Variants in NRP2 observed in about 807,000 individuals in gnomAD.
NRP2 encodes the protein neuropilin 2, also known as neuropilin-2.
Under a neutral mutation model 110.4 loss-of-function variants are expected in NRP2, and 52 were observed. The ratio of observed to expected loss-of-function variants is 0.47; its 90% CI spans 0.38 to 0.59. The LOEUF is 0.59. Ranked by LOEUF, NRP2 falls within the 20% of genes least tolerant of loss-of-function variation. The pLI is 0.00. For synonymous variants in NRP2, 508 were observed against 468.9 expected (o/e 1.08, Z -1.08); for missense variants, 1,049 against 1,203.0 (o/e 0.87, Z 1.89).
chr2:205,710,101 C>A (rs1023562332), intron 2 of NRP2, among the ~76,000 whole-genome samples: 1 of 152,166 alleles, frequency 6.6e-6, no homozygotes, highest in Non-Finnish European at 1.5e-5. Context: ...TCTTACATAT[C>A]TTACACCCAT....
chr2:205,787,962 T>C (rs1575683963), intron 15 of NRP2, among the ~76,000 whole-genome samples: 1 of 152,168 alleles, frequency 6.6e-6, no homozygotes, highest in East Asian at 1.9e-4. Flanking sequence ...GGTTTGTGAC[T>C]GGATATGGCG....
At chr2:205,697,051 G>T (rs1268331423) in intron 1 of NRP2, among the ~76,000 whole-genome samples, 2 of 152,154 alleles carry the variant, frequency 1.3e-5, no homozygotes, top group African/African-American at 4.8e-5. Flanking sequence ...GCTCGCTTGT[G>T]GGTCGGCACC....
At chr2:205,738,537 T>C (rs1250877679) in intron 7 of NRP2, among the ~76,000 whole-genome samples, 1 of 152,140 alleles carries the variant, frequency 6.6e-6, no homozygotes, top group African/African-American at 2.4e-5. Context: ...GGAAGTAGGG[T>C]CAGTCACCAC....
intron 2 of NRP2, among the ~76,000 whole-genome samples, chr2:205,705,053 T>C (rs913628264): frequency 1.3e-5 from 2 of 152,150 alleles, no homozygotes; most frequent in African/African-American, 2.4e-5. Flanking sequence ...TCATGAGTCC[T>C]ATAGAAAAAA....
At chr2:205,710,942 G>C (rs1259486292) in intron 2 of NRP2, among the ~76,000 whole-genome samples, 1 of 152,184 alleles carries the variant, frequency 6.6e-6, no homozygotes, top group African/African-American at 2.4e-5. Context: ...TAGTTGATTT[G>C]TTTGCCGCTA....
intron 2 of NRP2, among the ~76,000 whole-genome samples, chr2:205,705,413 G>T (rs957873152): frequency 2.6e-5 from 4 of 152,192 alleles, no homozygotes. Context: ...AAAAGGAAAA[G>T]GAGAAAGAAA....
intron 15 of NRP2, among the ~76,000 whole-genome samples, chr2:205,781,529 G>A (rs1470834349): frequency 4.6e-5 from 7 of 152,214 alleles, no homozygotes; most frequent in Non-Finnish European, 8.8e-5. Flanking sequence ...CACGGCCTCT[G>A]CAGTTGTTCT....
intron 10 of NRP2, among the ~76,000 whole-genome samples, chr2:205,747,142 T>G (rs532967798): frequency 1.3e-5 from 2 of 152,274 alleles, no homozygotes; most frequent in Admixed American, 6.5e-5. Flanking sequence ...AGCCAGTGGC[T>G]TTCACACACT....
chr2:205,726,912 G>A (rs2057139318), intron 6 of NRP2, among the ~76,000 whole-genome samples: 1 of 152,206 alleles, frequency 6.6e-6, no homozygotes, highest in Admixed American at 6.5e-5. Context: ...GGAGTCCACA[G>A]AGGTTCTAAC....
At chr2:205,735,883 G>A (rs955453726) in intron 7 of NRP2, among the ~76,000 whole-genome samples, 1 of 152,164 alleles carries the variant, frequency 6.6e-6, no homozygotes, top group Non-Finnish European at 1.5e-5. Flanking sequence ...TGCACTTGAA[G>A]AAATCTTTAT....
At chr2:205,695,454 C>T (rs1455654694) in intron 1 of NRP2, among the ~76,000 whole-genome samples, 1 of 152,014 alleles carries the variant, frequency 6.6e-6, no homozygotes, top group Non-Finnish European at 1.5e-5. Flanking sequence ...AGAAAAGTTC[C>T]CCTTTCAAGA....
intron 15 of NRP2, among the ~76,000 whole-genome samples, chr2:205,780,008 T>C (rs886069030): frequency 2.0e-5 from 3 of 152,238 alleles, no homozygotes; most frequent in African/African-American, 7.2e-5. Context: ...ACGAAATTTC[T>C]CTTGATGACA....
chr2:205,751,233 A>G (rs1309668944), intron 11 of NRP2, among the ~76,000 whole-genome samples: 3 of 152,146 alleles, frequency 2.0e-5, no homozygotes, highest in African/African-American at 7.2e-5. Context: ...GGAAAAATTA[A>G]GGGTTCTGCT....
chr2:205,689,500 T>C (rs763765780), intron 1 of NRP2, among the ~76,000 whole-genome samples: 1 of 152,240 alleles, frequency 6.6e-6, no homozygotes, highest in Non-Finnish European at 1.5e-5. Flanking sequence ...AAGCACACTA[T>C]AACCATTGTG....
At position 205,792,266 on chromosome 2, in the gene NRP2, A is replaced by T; in HGVS notation, c.2457A>T (p.Gly819=). ...TCCCAGAAATACATGAGAGAGAAGG[A>T]TATGAAGATGAAATTGATGGTGAGT... ...VDIPEIHERE[G]YEDEIDDEYE... The change falls in exon 16 of 17, where the codon GGA becomes GGT. Residue 819 remains glycine (G), a synonymous_variant. Transcript: ENST00000357785. The T allele has an allele frequency of 6.2e-7, 1 of 1,603,026 alleles. No individual in the cohort carries two copies. Among genetic ancestry groups the T allele is most frequent in the Non-Finnish European group, 8.5e-7 (1 of 1,169,946 alleles).
chr2:205,737,161 C>T (rs1265601188), intron 7 of NRP2, among the ~76,000 whole-genome samples: 2 of 152,212 alleles, frequency 1.3e-5, no homozygotes, highest in South Asian at 2.1e-4. Context: ...AACACATCAA[C>T]AAGGTATAGT....
chr2:205,704,713 A>G (rs1427864080), intron 2 of NRP2, among the ~76,000 whole-genome samples: 3 of 152,242 alleles, frequency 2.0e-5, no homozygotes, highest in African/African-American at 7.2e-5. Context: ...TGCAATTGTA[A>G]CTGTCTCAAT....
In NRP2 at chr2:205,726,574, A is replaced by G. The variant is rs138018341; in HGVS notation, c.990+492A>G. ...ACATAGGAAAATGTCACTACCAGGA[A>G]CAGAACTCAAGGTGCCCCAGATGCT... is the stretch of plus-strand genomic sequence containing the variant. On this transcript the variant is annotated intron_variant, in intron 6 of 16. Coordinates refer to ENST00000357785, the MANE Select transcript of NRP2 (RefSeq NM_003872.3). Among the ~76,000 whole-genome samples the G allele has an allele frequency of 2.6e-5, 4 of 152,244 alleles. No individual in the cohort carries two copies. In the East Asian group the frequency reaches 7.7e-4, roughly 29 times the overall value.
At chr2:205,782,369 G>C (rs1040122811) in intron 15 of NRP2, among the ~76,000 whole-genome samples, 1 of 152,198 alleles carries the variant, frequency 6.6e-6, no homozygotes, top group Non-Finnish European at 1.5e-5. Flanking sequence ...CATTGCTTGA[G>C]AGTGTATTGA....
Sources: gnomAD v4.1 joint callset for allele counts (sites outside exome capture counted in the v4.1 genomes callset) on GRCh38, gnomAD v4.1.1 for gene constraint, MANE v1.5 for transcripts, NCBI Gene and HGNC (gene_info 2026-07-23, HGNC 2026-07-21) for gene names.